SLC9A8: variants seen among roughly 807,000 people sequenced by gnomAD.
The protein encoded by SLC9A8 is solute carrier family 9 member A8.
A neutral mutation model predicts 66.6 loss-of-function variants in SLC9A8; 48 were observed. The ratio of observed to expected loss-of-function variants is 0.72; its 90% confidence interval spans 0.57 to 0.92. The LOEUF (loss-of-function observed/expected upper bound fraction) is 0.92. Ranked by LOEUF, SLC9A8 falls within the 40% of genes least tolerant of loss-of-function variation. The probability of loss-of-function intolerance (pLI) is 0.00; values close to 1 mark genes in which losing one functional copy is unlikely to be tolerated. For synonymous variants in SLC9A8, 274 were observed against 282.6 expected, an observed-to-expected ratio of 0.97 and a Z score of 0.31; for missense variants, 599 against 747.3, an observed-to-expected ratio of 0.80 and a Z score of 2.31.
intron 12 of SLC9A8, 111 bp downstream of exon 12, chr20:49,878,174 T>A (rs761183978): frequency 8.8e-6 from 5 of 565,620 alleles, no homozygotes; most frequent in Non-Finnish European, 1.5e-5. Flanking sequence ...AACAGCTACA[T>A]AGACACTCTT....
chr20:49,835,072 G>T (rs1158668115), intron 3 of SLC9A8, among the ~76,000 whole-genome samples: 1 of 152,194 alleles, frequency 6.6e-6, no homozygotes, highest in Non-Finnish European at 1.5e-5. Flanking sequence ...TTGTGGAAGT[G>T]TAAGTCGGTA....
At chr20:49,849,178 G>A (rs974579195) in intron 5 of SLC9A8, among the ~76,000 whole-genome samples, 19 of 152,144 alleles carry the variant, frequency 1.2e-4, no homozygotes, top group African/African-American at 4.6e-4. Flanking sequence ...GGTGCCAGAT[G>A]AGCCCAGAGG....
intron 7 of SLC9A8, among the ~76,000 whole-genome samples, chr20:49,851,210 AG>A (rs1198121457): frequency 6.6e-6 from 1 of 152,196 alleles, no homozygotes; most frequent in Non-Finnish European, 1.5e-5. Flanking sequence ...GACAGATTAG[AG>A]ATGGAGAGGG....
At chr20:49,855,655 T>G (rs1183700894) in intron 8 of SLC9A8, 74 bp downstream of exon 8, 17 of 1,409,192 alleles carry the variant, frequency 1.2e-5, no homozygotes, top group Non-Finnish European at 1.7e-5. Flanking sequence ...GGGGCAGATA[T>G]TTCCACACAG....
chr20:49,863,567 A>G (rs1196569854), intron 9 of SLC9A8, among the ~76,000 whole-genome samples: 1 of 152,234 alleles, frequency 6.6e-6, no homozygotes, highest in Non-Finnish European at 1.5e-5. Flanking sequence ...AAAATACATA[A>G]ATAAAAATAA....
intron 8 of SLC9A8, among the ~76,000 whole-genome samples, chr20:49,856,148 A>G (rs1189309101): frequency 1.3e-5 from 2 of 152,048 alleles, no homozygotes; most frequent in African/African-American, 2.4e-5. Flanking sequence ...CAGCTTGTCA[A>G]CATCACTGAG....
chr20:49,817,258 A>G (rs2086583765), intron 2 of SLC9A8, among the ~76,000 whole-genome samples: 1 of 151,896 alleles, frequency 6.6e-6, no homozygotes, highest in African/African-American at 2.4e-5. Context: ...CAGAGGTTGC[A>G]GTAAGCCGAG....
chr20:49,884,229 C>CACACGCG (rs2089752554), intron 14 of SLC9A8, 163 bp downstream of exon 14: 3 of 222,636 alleles, frequency 1.3e-5, no homozygotes, highest in South Asian at 9.4e-5. Context: ...CACACACACA[C>CACACGCG]ACACACACAC....
intron 2 of SLC9A8, among the ~76,000 whole-genome samples, chr20:49,818,444 G>T (rs719218): frequency 1.4e-5 from 2 of 141,660 alleles, no homozygotes; most frequent in Non-Finnish European, 3.1e-5. Context: ...CCTGTTGCAT[G>T]TTATTTTATT....
chr20:49,860,817 T>C (rs1364683708), intron 8 of SLC9A8, among the ~76,000 whole-genome samples: 3 of 152,166 alleles, frequency 2.0e-5, no homozygotes, highest in African/African-American at 7.2e-5. Context: ...ATTTACTGAG[T>C]CAACAAAAAG....
chr20:49,840,127 A>G (rs1484814118), intron 4 of SLC9A8, among the ~76,000 whole-genome samples: 2 of 152,196 alleles, frequency 1.3e-5, no homozygotes. Context: ...AGTGTCACAG[A>G]GCTAGAAAGA....
chr20:49,834,210 T>TAC (rs1262136395), intron 3 of SLC9A8, among the ~76,000 whole-genome samples: 1,055 of 94,810 alleles, frequency 0.011, 18 homozygotes, highest in Middle Eastern at 0.029. Context: ...TATATATATA[T>TAC]ATATACACAC....
chr20:49,881,154 C>T (rs959927811), intron 13 of SLC9A8, 119 bp downstream of exon 13: 11 of 686,150 alleles, frequency 1.6e-5, no homozygotes, highest in African/African-American at 5.3e-5. Flanking sequence ...TCAATACTCC[C>T]GTTTAATGGC....
chr20:49,886,878 A>T lies in SLC9A8; in HGVS notation c.1618A>T (p.Thr540Ser). Reference sequence around the variant, plus strand: ...CGCCAAGTACCTGAACCCCTTCTTCACTCGGAGGCTGACGCAGGAGGTGGG... The same window carrying T: ...CGCCAAGTACCTGAACCCCTTCTTCTCTCGGAGGCTGACGCAGGAGGTGGG... Reference protein sequence around the residue: ...LDAKYLNPFFTRRLTQEDLHH... With the variant: ...LDAKYLNPFFSRRLTQEDLHH... The change falls in exon 15 of 16, where the codon ACT (threonine) becomes TCT (serine). Residue 540 changes from threonine to serine, a missense_variant. Transcript: ENST00000361573. The surrounding 1 kb of genome is among the most constrained non-coding windows in gnomAD (Gnocchi z 4.8). 6.2e-7 allele frequency: 1 copy of T among 1,613,698 alleles called. No homozygotes were observed. The highest frequency in any genetic ancestry group is 8.5e-7 in the Non-Finnish European group (1 of 1,179,836).
intron 8 of SLC9A8, among the ~76,000 whole-genome samples, chr20:49,859,036 T>G (rs1176116658): frequency 6.6e-6 from 1 of 151,914 alleles, no homozygotes; most frequent in Non-Finnish European, 1.5e-5. Context: ...AGCATGCATG[T>G]ATAGTTTCCA....
chr20:49,881,097 G>A, intron 13 of SLC9A8, 62 bp downstream of exon 13: 1 of 1,177,080 alleles, frequency 8.5e-7, no homozygotes, highest in South Asian at 1.2e-5. Context: ...CCCCATACAG[G>A]GAGAGCTGTG....
intron 2 of SLC9A8, among the ~76,000 whole-genome samples, chr20:49,817,454 G>GTT (rs76109874): frequency 9.8e-5 from 13 of 132,186 alleles, no homozygotes; most frequent in Admixed American, 2.2e-4. Flanking sequence ...AGGTGCAACT[G>GTT]TTTTTTTTTT....
chr20:49,831,859 G>A (rs1330596437), intron 3 of SLC9A8, among the ~76,000 whole-genome samples: 1 of 152,314 alleles, frequency 6.6e-6, no homozygotes, highest in Admixed American at 6.5e-5. Context: ...TCTGGCCTTC[G>A]CTGCCTGGAA....
intron 2 of SLC9A8, among the ~76,000 whole-genome samples, chr20:49,820,005 G>A (rs2086677075): frequency 6.6e-6 from 1 of 152,178 alleles, no homozygotes; most frequent in Non-Finnish European, 1.5e-5. Flanking sequence ...GAACATTTGT[G>A]TATAGGCTTT....
Sources: allele counts gnomAD v4.1 joint callset (sites outside exome capture counted in the v4.1 genomes callset), GRCh38; gene constraint gnomAD v4.1.1; non-coding constraint Gnocchi (gnomAD v3.1); transcripts MANE v1.5; gene names NCBI Gene and HGNC (gene_info 2026-07-23, HGNC 2026-07-21).